The following CSMD1 variants were observed in gnomAD, a reference collection of about 807,000 sequenced individuals.
CSMD1 encodes the protein CUB and sushi domain-containing protein 1.
A neutral mutation model predicts 417.5 loss-of-function variants in CSMD1; 213 were observed. The observed-to-expected ratio is 0.51, with a 90% CI of 0.46 to 0.57. CSMD1 has a LOEUF of 0.57. CSMD1 is among the 20% of genes least tolerant of loss of function. CSMD1 has a pLI of 0.00. For missense variants in CSMD1, 6,923 were observed against 4,529.7 expected (o/e 1.53, Z -15.17); for synonymous variants, 2,862 against 1,736.8 (o/e 1.65, Z -16.11).
At chr8:2,951,083 C>T (rs1802593561) in intron 66 of CSMD1, 31 bp downstream of exon 66, 3 of 1,599,886 alleles carry the variant, frequency 1.9e-6, no homozygotes, top group Non-Finnish European at 2.6e-6. Flanking sequence ...TCTGCTCACA[C>T]CATGCGTTTA....
Position 4,821,582 on chromosome 8 carries a change from C to T in CSMD1, c.85+172750G>A, listed in dbSNP as rs181546100. ...TTGAAATCCCCTAGTAATCAGGGCT[C>T]TTCCTACAGAGTCTCATGCAGCCCT... On this transcript the variant is annotated intron_variant, in intron 1 of 69. Coordinates refer to ENST00000635120, the MANE Select transcript of CSMD1 (RefSeq NM_033225.6). 3.2e-3 allele frequency among the ~76,000 whole-genome samples: 489 copies of T among 152,218 alleles called. 9 individuals carry two copies. The highest frequency in any genetic ancestry group is 0.027 in the Admixed American group (419 of 15,264).
intron 5 of CSMD1, among the ~76,000 whole-genome samples, chr8:3,804,703 AAC>A (rs1192555570): frequency 6.6e-6 from 1 of 152,224 alleles, no homozygotes; most frequent in Non-Finnish European, 1.5e-5. Flanking sequence ...GAAAAATGTA[AAC>A]ACATATATTT....
chr8:4,627,245 G>T (rs1426551356), intron 2 of CSMD1, among the ~76,000 whole-genome samples: 1 of 152,100 alleles, frequency 6.6e-6, no homozygotes, highest in Non-Finnish European at 1.5e-5. Context: ...CACTTGAAAT[G>T]GGCAGGATGG....
intron 5 of CSMD1, among the ~76,000 whole-genome samples, chr8:3,923,761 T>C (rs539363496): frequency 6.6e-6 from 1 of 152,298 alleles, no homozygotes; most frequent in South Asian, 2.1e-4. Flanking sequence ...GACAAACATC[T>C]CCTCATTTTC....
intron 11 of CSMD1, chr8:3,469,050 A>T: frequency 2.7e-6 from 1 of 373,350 alleles, no homozygotes. Context: ...CAATTCGTGA[A>T]TTTTCTTTTA....
At position 3,414,472 on chromosome 8, in the gene CSMD1, C is replaced by T. The variant is rs1430590782; in HGVS notation, c.1562-4867G>A. Among the ~76,000 whole-genome samples, 5 of 152,146 alleles carry T rather than the reference C, an allele frequency of 3.3e-5. No individual in the cohort carries two copies. The South Asian group carries it at 8.3e-4, about 25-fold the overall frequency. ...TGCCTCAGTTCAGGTTCTCACCCCT[C>T]ACTGTCTATCATCATTTGCCATCAT... On this transcript the variant is annotated intron_variant, in intron 12 of 69. Transcript: ENST00000635120.
chr8:3,614,847 T>C lies in CSMD1; in HGVS notation c.1097+1863A>G, dbSNP rs182845269. On this transcript the variant is annotated intron_variant, in intron 8 of 69. Coordinates refer to ENST00000635120, the MANE Select transcript of CSMD1 (RefSeq NM_033225.6). ...CGCTTAAGACAGGTGAGAAAACAGA[T>C]GTGTGAGCACATCGTGATGATGCAC... 6.6e-5 allele frequency among the ~76,000 whole-genome samples: 10 copies of C among 152,260 alleles called. No individual in the cohort carries two copies. The South Asian group carries it at 8.3e-4, about 13-fold the overall frequency.
At chr8:4,600,569 T>G (rs1017765237) in intron 2 of CSMD1, among the ~76,000 whole-genome samples, 7 of 152,224 alleles carry the variant, frequency 4.6e-5, no homozygotes, top group Non-Finnish European at 8.8e-5. Flanking sequence ...CCTGATGTGC[T>G]CTCCATCCTA....
At chr8:3,986,513 C>T (rs1413346577) in intron 5 of CSMD1, among the ~76,000 whole-genome samples, 2 of 152,136 alleles carry the variant, frequency 1.3e-5, no homozygotes, top group African/African-American at 2.4e-5. Context: ...GATCCTTCTC[C>T]TTTCTTTTTC....
intron 3 of CSMD1, among the ~76,000 whole-genome samples, chr8:4,120,678 G>A (rs28528365): frequency 0.098 from 14,867 of 152,224 alleles, 925 homozygotes; most frequent in East Asian, 0.3. Context: ...TTTTAAAGAA[G>A]TAAGTTTAGA....
chr8:4,442,034 T>C (rs1274116790), intron 2 of CSMD1, among the ~76,000 whole-genome samples: 2 of 152,164 alleles, frequency 1.3e-5, no homozygotes, highest in African/African-American at 2.4e-5. Context: ...CGCTTTTTTC[T>C]AAGAGGTCTG....
chr8:4,630,056 T>C (rs958885095), intron 2 of CSMD1, among the ~76,000 whole-genome samples: 1 of 152,130 alleles, frequency 6.6e-6, no homozygotes, highest in Admixed American at 6.5e-5. Context: ...AAAGCCAAGA[T>C]ATGGAAGTGA....
intron 1 of CSMD1, among the ~76,000 whole-genome samples, chr8:4,757,413 C>T (rs918871909): frequency 2.6e-5 from 4 of 152,150 alleles, no homozygotes; most frequent in Non-Finnish European, 4.4e-5. Flanking sequence ...ATACAATAGT[C>T]ACCAATTATG....
Position 4,740,628 on chromosome 8 carries a change from T to C in CSMD1, c.86-103070A>G, listed in dbSNP as rs181678741. 2.7e-3 allele frequency among the ~76,000 whole-genome samples: 410 copies of C among 152,318 alleles called. 2 individuals carry two copies. The highest frequency in any genetic ancestry group is 9.4e-3 in the African/African-American group (391 of 41,572). On this transcript the variant is annotated intron_variant, in intron 1 of 69. Transcript: ENST00000635120. Reference sequence around the variant, plus strand: ...TTGATGAAATGTTGTGGAAGACACATCTACGAGGAGTATGTGCAGCTCTCT... The same window carrying C: ...TTGATGAAATGTTGTGGAAGACACACCTACGAGGAGTATGTGCAGCTCTCT...
intron 3 of CSMD1, among the ~76,000 whole-genome samples, chr8:4,193,688 G>T (rs893097007): frequency 2.6e-5 from 4 of 152,128 alleles, no homozygotes; most frequent in Non-Finnish European, 4.4e-5. Context: ...GCTCAACAAA[G>T]ATAAAAATCG....
At chr8:4,267,284 A>T (rs1356550872) in intron 3 of CSMD1, among the ~76,000 whole-genome samples, 1 of 103,890 alleles carries the variant, frequency 9.6e-6, no homozygotes, top group Non-Finnish European at 2.6e-5. Context: ...TTTAATATGT[A>T]TTAGCTATAA....
chr8:4,046,663 C>A (rs913179597), intron 3 of CSMD1, among the ~76,000 whole-genome samples: 4 of 152,092 alleles, frequency 2.6e-5, no homozygotes, highest in East Asian at 1.9e-4. Context: ...AGGATATACA[C>A]TGGGAATGTT....
At chr8:3,840,689 T>C (rs776883746) in intron 5 of CSMD1, among the ~76,000 whole-genome samples, 2 of 145,574 alleles carry the variant, frequency 1.4e-5, no homozygotes, top group African/African-American at 2.6e-5. Context: ...AATTCTTTTT[T>C]TTAATTTTTT....
At chr8:4,637,223 C>G (rs997985859) in intron 2 of CSMD1, 119 bp downstream of exon 2, 1 of 821,008 alleles carries the variant, frequency 1.2e-6, no homozygotes, top group Non-Finnish European at 1.9e-6. Flanking sequence ...AGCGAGGCCA[C>G]GAACCCACCG....
Sources: allele counts gnomAD v4.1 joint callset (sites outside exome capture counted in the v4.1 genomes callset), GRCh38; gene constraint gnomAD v4.1.1; transcripts MANE v1.5; gene names NCBI Gene and HGNC (gene_info 2026-07-23, HGNC 2026-07-21).